Variants in CCDC88A observed in about 807,000 individuals in gnomAD.
The protein encoded by CCDC88A is girdin.
CCDC88A carries 54 observed loss-of-function variants against 234.3 expected under a neutral mutation model. The observed-to-expected ratio is 0.23, with a 90% confidence interval of 0.19 to 0.29. The LOEUF is 0.29. CCDC88A is among the 10% of genes least tolerant of loss of function. The pLI, the probability that CCDC88A is intolerant of heterozygous loss-of-function variation, is 1.00. For missense variants in CCDC88A, 1,832 were observed against 2,123.4 expected (o/e 0.86, Z 2.70); for synonymous variants, 753 against 737.8 (o/e 1.02, Z -0.33).
intron 7 of CCDC88A, among the ~76,000 whole-genome samples, chr2:55,359,443 T>C (rs1310685377): frequency 2.0e-5 from 3 of 152,014 alleles, no homozygotes; most frequent in South Asian, 2.1e-4. Context: ...TTAGATATTT[T>C]GACATTTCTC....
chr2:55,291,597 G>A (rs1469508838), intron 32 of CCDC88A, 79 bp downstream of exon 32: 1 of 581,904 alleles, frequency 1.7e-6, no homozygotes, highest in Non-Finnish European at 3.1e-6. Context: ...TTAATGCAAT[G>A]TGCACTTGTT....
chr2:55,412,858 T>A (rs1182978546), intron 2 of CCDC88A, among the ~76,000 whole-genome samples: 1 of 152,184 alleles, frequency 6.6e-6, no homozygotes, highest in African/African-American at 2.4e-5. Flanking sequence ...TTAAGTAACT[T>A]ACTAAAGATC....
chr2:55,338,165 C>A (rs1209977543), intron 13 of CCDC88A, among the ~76,000 whole-genome samples: 1 of 152,168 alleles, frequency 6.6e-6, no homozygotes, highest in African/African-American at 2.4e-5. Flanking sequence ...AGAAACTGTA[C>A]TCTACAGGCC....
intron 13 of CCDC88A, among the ~76,000 whole-genome samples, chr2:55,338,312 A>G (rs1668051528): frequency 6.6e-6 from 1 of 152,234 alleles, no homozygotes; most frequent in Non-Finnish European, 1.5e-5. Flanking sequence ...TTAAACAGTA[A>G]AAATCTTACA....
At chr2:55,327,380 C>T (rs988187945) in intron 17 of CCDC88A, among the ~76,000 whole-genome samples, 1 of 152,146 alleles carries the variant, frequency 6.6e-6, no homozygotes, top group Non-Finnish European at 1.5e-5. Flanking sequence ...ATCGTAAATC[C>T]ATACCTTTGG....
intron 2 of CCDC88A, among the ~76,000 whole-genome samples, chr2:55,396,946 T>C (rs1677705207): frequency 6.6e-6 from 1 of 152,042 alleles, no homozygotes; most frequent in Admixed American, 6.6e-5. Flanking sequence ...TATCACTGTT[T>C]TACTGTATTG....
intron 2 of CCDC88A, among the ~76,000 whole-genome samples, chr2:55,415,702 A>G (rs553815611): frequency 6.6e-6 from 1 of 152,202 alleles, no homozygotes; most frequent in African/African-American, 2.4e-5. Flanking sequence ...TTATCAGAAT[A>G]TAAGTGTGAG....
chr2:55,328,936 A>T lies in CCDC88A; in HGVS notation c.2856-501T>A, dbSNP rs1684594888. The T allele has an allele frequency of 6.6e-6, 1 of 152,536 alleles. No individual in the cohort carries two copies. Among genetic ancestry groups the T allele is most frequent in the Non-Finnish European group, 1.5e-5 (1 of 68,410 alleles). 9.4% of individuals were successfully genotyped at this position (152,536 alleles called of 1,614,324 possible). A position where few individuals can be genotyped will look rare whatever the true frequency, so the allele number is the denominator to read the frequency against. On this transcript the variant is annotated intron_variant, in intron 16 of 32. Coordinates refer to ENST00000436346, the MANE Select transcript of CCDC88A (RefSeq NM_001365480.1). The surrounding 1 kb of genome is among the most constrained non-coding windows in gnomAD (Gnocchi z 4.3). ...CAGGCATGTGCCACCACGCCCAGCT[A>T]ATTTTGTATTTTTAGTAGAGATGGG...
Position 55,334,525 on chromosome 2 carries a change from G to T in CCDC88A, c.2296C>A (p.Gln766Lys). 1 of 1,609,984 alleles carries T rather than the reference G, an allele frequency of 6.2e-7. No individual in the cohort carries two copies. The highest frequency in any genetic ancestry group is 1.1e-5 in the South Asian group (1 of 90,686). ...TTCTCTAAAGTTTTTTGCAGTCTTT[G>T]ATTTTCTATATCTAAACCCTGGTAG... ...VSYQGLDIEN[Q>K]RLQKTLENSN... is the part of the protein sequence containing the mutation. The change falls in exon 15 of 33, where the codon CAA becomes AAA. Residue 766 changes from glutamine to lysine, a missense_variant. Gln to Lys is a moderately conservative substitution (Grantham distance 53, BLOSUM62 1). This residue lies in a region of CCDC88A where 1,282 missense variants were observed against 1,543.6 expected (regional missense o/e 0.83). Transcript: ENST00000436346. This position sits in a 1 kb window ranked among gnomAD's most constrained non-coding sequence, Gnocchi z 6.1.
chr2:55,322,403 A>T, intron 18 of CCDC88A, 125 bp downstream of exon 18: 1 of 612,986 alleles, frequency 1.6e-6, no homozygotes. Flanking sequence ...GGACTATATG[A>T]CTAGAATTTT....
intron 3 of CCDC88A, among the ~76,000 whole-genome samples, chr2:55,387,115 T>G (rs1454622965): frequency 7.3e-6 from 1 of 137,418 alleles, no homozygotes; most frequent in Non-Finnish European, 1.5e-5. Context: ...AGGCGGAAGT[T>G]GCAGTGAGCT....
rs140181914 is a variant in CCDC88A, at chr2:55,334,786, A to T, written c.2035T>A (p.Leu679Met). ...AAGGTCAGATTTTTAAAGCTATCCA[A>T]TGTTTTTTTTAATTTTCTATTTTCT... ...ERENRKLKKT[L>M]DSFKNLTFQL... Residue 679 changes from leucine to methionine, a missense_variant, in exon 15 of 33, where the codon TTG becomes ATG. Physicochemically the swap from Leu to Met is conservative, Grantham distance 15. This residue lies in a region of CCDC88A where 1,282 missense variants were observed against 1,543.6 expected (regional missense o/e 0.83). Coordinates refer to ENST00000436346, the MANE Select transcript of CCDC88A (RefSeq NM_001365480.1). This position sits in a 1 kb window ranked among gnomAD's most constrained non-coding sequence, Gnocchi z 6.1. 4.4e-6 allele frequency: 7 copies of T among 1,590,984 alleles called. No individual in the cohort carries two copies. The highest frequency in any genetic ancestry group is 6.0e-6 in the Non-Finnish European group (7 of 1,171,824).
At chr2:55,306,690 A>G (rs1255379973) in intron 25 of CCDC88A, among the ~76,000 whole-genome samples, 1 of 152,080 alleles carries the variant, frequency 6.6e-6, no homozygotes, top group Non-Finnish European at 1.5e-5. Flanking sequence ...GGTTCAAGCG[A>G]TTCTCCTGCC....
At position 55,355,705 on chromosome 2, in the gene CCDC88A, G is replaced by A; in HGVS notation, c.674C>T (p.Pro225Leu). ...TGACTGTGCAGATGAAGAGGCATGGGGTAGAAAATGGAGACCATCCCGCTC... is the reference window on the plus strand; with the variant it reads ...TGACTGTGCAGATGAAGAGGCATGGAGTAGAAAATGGAGACCATCCCGCTC... Reference protein sequence around the residue: ...SEERDGLHFLPHASSSAQSPC... With the variant: ...SEERDGLHFLLHASSSAQSPC... Residue 225 changes from proline to leucine, a missense_variant, in exon 8 of 33, where the codon CCC becomes CTC. Transcript: ENST00000436346. The A allele has an allele frequency of 6.2e-7, 1 of 1,613,772 alleles. No individual in the cohort carries two copies. Among genetic ancestry groups the A allele is most frequent in the Non-Finnish European group, 8.5e-7 (1 of 1,179,746 alleles).
chr2:55,381,489 G>A (rs1674587377), intron 3 of CCDC88A, among the ~76,000 whole-genome samples: 1 of 143,442 alleles, frequency 7.0e-6, no homozygotes, highest in African/African-American at 2.6e-5. Flanking sequence ...GGAGGCGGAG[G>A]TTGCAGTTAG....
intron 3 of CCDC88A, among the ~76,000 whole-genome samples, chr2:55,381,206 G>C (rs1250524196): frequency 6.6e-6 from 1 of 152,096 alleles, no homozygotes; most frequent in Non-Finnish European, 1.5e-5. Flanking sequence ...CTACATTTGT[G>C]TAAGTACACT....
chr2:55,400,196 T>C (rs1199346526), intron 2 of CCDC88A, among the ~76,000 whole-genome samples: 1 of 152,208 alleles, frequency 6.6e-6, no homozygotes, highest in African/African-American at 2.4e-5. Flanking sequence ...AGGCTCTTTT[T>C]GAAAGCATAC....
intron 3 of CCDC88A, among the ~76,000 whole-genome samples, chr2:55,383,449 T>A (rs1221133321): frequency 6.6e-6 from 1 of 151,500 alleles, no homozygotes; most frequent in Non-Finnish European, 1.5e-5. Context: ...TGAAACCCCG[T>A]CTCTATTAAA....
intron 3 of CCDC88A, among the ~76,000 whole-genome samples, chr2:55,378,979 T>C (rs1277195485): frequency 6.6e-6 from 1 of 152,086 alleles, no homozygotes; most frequent in Non-Finnish European, 1.5e-5. Flanking sequence ...CTCCTGACAC[T>C]GAGTGATCCA....
Sources: allele counts gnomAD v4.1 joint callset (sites outside exome capture counted in the v4.1 genomes callset), GRCh38; gene constraint gnomAD v4.1.1; regional missense constraint gnomAD v4.1.1; non-coding constraint Gnocchi (gnomAD v3.1); transcripts MANE v1.5; gene names NCBI Gene and HGNC (gene_info 2026-07-23, HGNC 2026-07-21).